Variants in XKRX observed in about 807,000 individuals in gnomAD.
XKRX encodes XK related X-linked.
In XKRX, 11 loss-of-function variants were observed where a neutral mutation model predicts 22.4. The ratio of observed to expected loss-of-function variants is 0.49; its 90% CI spans 0.31 to 0.81. The LOEUF is 0.81. XKRX is among the 40% of genes least tolerant of loss of function. XKRX has a pLI of 0.05. For synonymous variants in XKRX, 114 were observed against 132.2 expected, an observed-to-expected ratio of 0.86 and a Z score of 0.94; for missense variants, 320 against 336.5, an observed-to-expected ratio of 0.95 and a Z score of 0.38.
chrX:100,907,039 A>G, the XKRX span, among the ~76,000 whole-genome samples: 1 of 111,693 alleles, frequency 9.0e-6, no homozygotes, highest in Admixed American at 9.5e-5. Flanking sequence ...GCTATGTAAC[A>G]TAACATATTC....
chrX:100,951,514 C>G, the XKRX span, among the ~76,000 whole-genome samples: 72 of 110,417 alleles, frequency 6.5e-4, no homozygotes, highest in African/African-American at 2.2e-3. Context: ...GTACCCATCT[C>G]ACCTTAAGAA....
chrX:100,957,227 A>C, the XKRX span: 1 of 995,445 alleles, frequency 1.0e-6, no homozygotes, highest in East Asian at 3.0e-5. Flanking sequence ...GTCAGTATCG[A>C]TCTGATTTCC....
chrX:100,898,307 A>G, the XKRX span, among the ~76,000 whole-genome samples: 1 of 111,204 alleles, frequency 9.0e-6, no homozygotes, highest in African/African-American at 3.3e-5. Context: ...TGCCAGAGGA[A>G]ACAATACAGA....
chrX:100,936,392 T>G, the XKRX span, among the ~76,000 whole-genome samples: 1 of 106,423 alleles, frequency 9.4e-6, no homozygotes, highest in Non-Finnish European at 1.9e-5. Context: ...AATACAAAAA[T>G]TAGCCAGGCA....
chrX:100,891,792 A>AAAGAAAGT, the XKRX span, among the ~76,000 whole-genome samples: 1 of 107,440 alleles, frequency 9.3e-6, no homozygotes, highest in South Asian at 4.1e-4. Context: ...AGAAAGAAAG[A>AAAGAAAGT]AAGAAAGTAA....
Position 100,915,375 on chromosome X carries a change from G to T in XKRX, c.605-292C>A, listed in dbSNP as rs774282076. Among the ~76,000 whole-genome samples the T allele has an allele frequency of 3.6e-5, 4 of 109,808 alleles. No homozygotes were observed. In the East Asian group the frequency reaches 1.1e-3, roughly 32 times the overall value. On this transcript the variant is annotated intron_variant, in intron 2 of 2. Transcript: ENST00000372956. ...ATGAGATATCACCTCACACCTGTTA[G>T]AATGGCTATTATTAAAAAAAAAAAG...
the XKRX span, among the ~76,000 whole-genome samples, chrX:100,935,870 T>C: frequency 1.1e-3 from 119 of 111,746 alleles, no homozygotes; most frequent in African/African-American, 3.7e-3. Flanking sequence ...GTGGTGGTGG[T>C]AGGCACTCAC....
At chrX:100,956,517 A>G in the XKRX span, 24 of 358,403 alleles carry the variant, frequency 6.7e-5, no homozygotes, top group Non-Finnish European at 1.2e-4. Flanking sequence ...TGAAATGACA[A>G]CACTGTCATT....
the XKRX span, among the ~76,000 whole-genome samples, chrX:100,951,098 G>C: frequency 2.8e-5 from 3 of 108,899 alleles, no homozygotes; most frequent in Non-Finnish European, 5.7e-5. Flanking sequence ...GCCAGGCATG[G>C]TGGTGGGCGC....
At chrX:100,956,888 C>A in the XKRX span, 1 of 926,491 alleles carries the variant, frequency 1.1e-6, no homozygotes, top group Non-Finnish European at 1.5e-6. Flanking sequence ...GAATTTGTCA[C>A]AAGTGAGTCT....
chrX:100,935,827 G>C, the XKRX span, among the ~76,000 whole-genome samples: 1 of 112,253 alleles, frequency 8.9e-6, no homozygotes, highest in African/African-American at 3.2e-5. Context: ...TCTGCTCCTT[G>C]GAGAATCTGA....
At chrX:100,956,856 G>A in the XKRX span, 1 of 761,433 alleles carries the variant, frequency 1.3e-6, no homozygotes, top group Non-Finnish European at 2.1e-6. Context: ...ACGAAGGACT[G>A]TCTAAAGTCA....
At chrX:100,903,816 T>G in the XKRX span, among the ~76,000 whole-genome samples, 1 of 112,271 alleles carries the variant, frequency 8.9e-6, no homozygotes. Context: ...ACTACAAAAC[T>G]TTGATGGAAG....
chrX:100,912,516 T>C (rs750494117), downstream of XKRX, among the ~76,000 whole-genome samples: 1 of 112,236 alleles, frequency 8.9e-6, no homozygotes. Flanking sequence ...TGTCCTGACA[T>C]TGGATAAGAG....
At chrX:100,897,593 ATGTGTGTGTGTGTGTGTG>A in the XKRX span, among the ~76,000 whole-genome samples, 20 of 66,473 alleles carry the variant, frequency 3.0e-4, no homozygotes, top group Admixed American at 2.2e-3. Flanking sequence ...AAATATATAT[ATGTGTGTGTGTGTGTGTG>A]TGTGTGTGTG....
At chrX:100,940,856 A>G in the XKRX span, among the ~76,000 whole-genome samples, 1 of 111,723 alleles carries the variant, frequency 9.0e-6, no homozygotes, top group Admixed American at 9.6e-5. Context: ...CTAACTCCCA[A>G]TATGAGTGCT....
At chrX:100,951,727 T>C in the XKRX span, among the ~76,000 whole-genome samples, 1 of 111,084 alleles carries the variant, frequency 9.0e-6, no homozygotes, top group Non-Finnish European at 1.9e-5. Context: ...TTCACCAATA[T>C]CAGGAATAAA....
At chrX:100,908,616 T>C (rs975318719), downstream of XKRX, among the ~76,000 whole-genome samples, 3 of 111,987 alleles carry the variant, frequency 2.7e-5, no homozygotes, top group Non-Finnish European at 5.6e-5. Context: ...TATGGACATA[T>C]GTGTCCTCTG....
At chrX:100,952,220 C>T in the XKRX span, among the ~76,000 whole-genome samples, 1 of 110,814 alleles carries the variant, frequency 9.0e-6, no homozygotes, top group Non-Finnish European at 1.9e-5. Context: ...TCATATCAAA[C>T]AATGTAGAAA....
Sources: allele counts gnomAD v4.1 joint callset (sites outside exome capture counted in the v4.1 genomes callset), GRCh38; gene constraint gnomAD v4.1.1; transcripts MANE v1.5; gene names NCBI Gene and HGNC (gene_info 2026-07-23, HGNC 2026-07-21).